CD300E: variants seen among roughly 807,000 people sequenced by gnomAD.
CD300E encodes CD300e molecule, also known as CMRF35-like molecule 2.
Under a neutral mutation model 20.9 loss-of-function variants are expected in CD300E, and 14 were observed. That is an observed-to-expected ratio of 0.67 (90% CI 0.44 to 1.05). CD300E has a LOEUF of 1.05. Among genes scored for constraint, CD300E ranks in the 50% least tolerant of loss-of-function variants. The pLI, the probability that CD300E is intolerant of heterozygous loss-of-function variation, is 0.00. For missense variants in CD300E, 237 were observed against 253.9 expected, an observed-to-expected ratio of 0.93 and a Z score of 0.45; for synonymous variants, 102 against 103.7, an observed-to-expected ratio of 0.98 and a Z score of 0.10.
At position 74,612,758 on chromosome 17, in the gene CD300E, G is replaced by T. The variant is rs1487167116; in HGVS notation, c.513C>A (p.Ser171Arg). 3 of 1,613,904 alleles carry T rather than the reference G, an allele frequency of 1.9e-6. No homozygotes were observed. In the Middle Eastern group the frequency reaches 4.9e-4, roughly 266 times the overall value. ...GAAGGACCACGAGCAGGAAGTGAGG[G>T]CTGCTGAGCCGGAACCTGTGGTGGA... ...LTQNSGFRLS[S>R]PHFLLVVLLK... The change falls in exon 4 of 4, where the codon AGC becomes AGA. Residue 171 changes from serine (S) to arginine (R), a missense_variant. Ser to Arg is a moderately radical substitution (Grantham distance 110). Transcript: ENST00000392619.
At chr17:74,622,424 C>T (rs1205541421) in intron 1 of CD300E, among the ~76,000 whole-genome samples, 1 of 152,038 alleles carries the variant, frequency 6.6e-6, no homozygotes, top group African/African-American at 2.4e-5. Context: ...TGTCACCTAC[C>T]TGGTCTTCTT....
At chr17:74,616,849 C>T (rs7216055) in intron 2 of CD300E, among the ~76,000 whole-genome samples, 27,328 of 152,158 alleles carry the variant, frequency 0.18, 3,249 homozygotes, top group African/African-American at 0.34. Context: ...ACAGCTTTGG[C>T]TCAGCATGAA....
rs1460490595 is a variant in CD300E, at chr17:74,613,939, C to G, written c.483G>C (p.Leu161Phe). ...PGRNLSTGEV[L>F]TQNSGFRLSS... ...TGCGTGCTTACCCTGAATTTTGGGT[C>G]AACACCTCCCCGGTGCTGAGGTTTC... Residue 161 changes from leucine to phenylalanine, a missense_variant, in exon 3 of 4, where the codon TTG becomes TTC. Coordinates refer to ENST00000392619, the MANE Select transcript of CD300E (RefSeq NM_181449.3). The G allele has an allele frequency of 6.2e-7, 1 of 1,613,236 alleles. No individual in the cohort carries two copies. The highest frequency in any genetic ancestry group is 8.5e-7 in the Non-Finnish European group (1 of 1,179,656).
At position 74,612,257 on chromosome 17, in the gene CD300E, C is replaced by CTCTCTCTCTCTCTCTCTCTCTGTCTG. The variant is rs2030800231; in HGVS notation, c.*395_*396insCAGACAGAGAGAGAGAGAGAGAGAGA. Reference sequence around the variant, plus strand: ...TCTCTCTCTCTCTCTGTCTCTCTCTCTCTCTCTCTCTCTCTCTCTCTGAGA... The same window carrying CTCTCTCTCTCTCTCTCTCTCTGTCTG: ...TCTCTCTCTCTCTCTGTCTCTCTCTCTCTCTCTCTCTCTCTCTCTCTGTCTGTCTCTCTCTCTCTCTCTCTCTGAGA... On this transcript the variant is annotated 3_prime_UTR_variant, in exon 4 of 4. Coordinates refer to ENST00000392619, the MANE Select transcript of CD300E (RefSeq NM_181449.3). The CTCTCTCTCTCTCTCTCTCTCTGTCTG allele has an allele frequency of 6.5e-6, 1 of 153,396 alleles. No individual in the cohort carries two copies. Among genetic ancestry groups the CTCTCTCTCTCTCTCTCTCTCTGTCTG allele is most frequent in the South Asian group, 2.0e-4 (1 of 4,956 alleles). The allele number at this position is 153,396 out of a possible 1,614,324, so 9.5% of individuals were successfully genotyped here.
At position 74,617,496 on chromosome 17, in the gene CD300E, C is replaced by T. The variant is rs559666624; in HGVS notation, c.41-31G>A. Reference sequence around the variant, plus strand: ...AAACACAAGCCCGAGTCCCAAGTCTCCATCCAGATGGCCCCATCAGCAGCC... The same window carrying T: ...AAACACAAGCCCGAGTCCCAAGTCTTCATCCAGATGGCCCCATCAGCAGCC... On this transcript the variant is annotated intron_variant, in intron 1 of 3. Coordinates refer to ENST00000392619, the MANE Select transcript of CD300E (RefSeq NM_181449.3). 1.3e-4 allele frequency: 198 copies of T among 1,571,778 alleles called. 2 individuals are homozygous for T. The highest frequency in any genetic ancestry group is 6.9e-4 in the South Asian group (61 of 88,936).
chr17:74,623,705 A>G lies in CD300E; in HGVS notation c.-84T>C, dbSNP rs754723041. On this transcript the variant is annotated 5_prime_UTR_variant, in exon 1 of 4. Coordinates refer to ENST00000392619, the MANE Select transcript of CD300E (RefSeq NM_181449.3). Reference sequence around the variant, plus strand: ...ATATGTAACGGAGCCTGGGTCATCCACTTTCTACTTGTCCAAGTTTCCTTT... The same window carrying G: ...ATATGTAACGGAGCCTGGGTCATCCGCTTTCTACTTGTCCAAGTTTCCTTT... The G allele has an allele frequency of 7.1e-7, 1 of 1,408,592 alleles. No homozygotes were observed. The highest frequency in any genetic ancestry group is 1.0e-6 in the Non-Finnish European group (1 of 992,480). The allele number at this position is 1,408,592 out of a possible 1,614,324, so 87.3% of individuals were successfully genotyped here.
chr17:74,622,328 G>T (rs1220522372), intron 1 of CD300E, among the ~76,000 whole-genome samples: 1 of 151,988 alleles, frequency 6.6e-6, no homozygotes. Flanking sequence ...GCAAACATTG[G>T]TTGAGTGCAG....
At chr17:74,617,797 C>A (rs1555653397) in intron 1 of CD300E, among the ~76,000 whole-genome samples, 1 of 152,236 alleles carries the variant, frequency 6.6e-6, no homozygotes, top group Non-Finnish European at 1.5e-5. Flanking sequence ...TATACAAGAT[C>A]ACTTCCCTTT....
intron 2 of CD300E, among the ~76,000 whole-genome samples, chr17:74,614,510 C>T (rs186627833): frequency 0.017 from 2,439 of 143,560 alleles, 21 homozygotes; most frequent in Non-Finnish European, 0.027. Context: ...TGGAGTTTCA[C>T]TCTTGTTGCC....
At chr17:74,618,333 G>T (rs913960679) in intron 1 of CD300E, among the ~76,000 whole-genome samples, 4 of 152,214 alleles carry the variant, frequency 2.6e-5, no homozygotes, top group African/African-American at 9.7e-5. Flanking sequence ...GAGTGTATGT[G>T]CATGTGCACG....
In CD300E at chr17:74,610,062, T is replaced by C. The variant is rs2143344863; in HGVS notation, c.*2591A>G. 6.6e-6 allele frequency: 1 copy of C among 152,484 alleles called. No individual in the cohort carries two copies. Among genetic ancestry groups the C allele is most frequent in the Non-Finnish European group, 1.5e-5 (1 of 68,050 alleles). 9.4% of individuals were successfully genotyped at this position (152,484 alleles called of 1,614,324 possible). A position where few individuals can be genotyped will look rare whatever the true frequency, so the allele number is the denominator to read the frequency against. On this transcript the variant is annotated 3_prime_UTR_variant, in exon 4 of 4. Transcript: ENST00000392619. ...CTACTCTTTCTTAACTCTTCTCTTCTGGCTTCTGCTGTCATTGCTCTGTTG... is the reference window on the plus strand; with the variant it reads ...CTACTCTTTCTTAACTCTTCTCTTCCGGCTTCTGCTGTCATTGCTCTGTTG...
chr17:74,623,147 C>A (rs2031055704), intron 1 of CD300E, among the ~76,000 whole-genome samples: 1 of 152,224 alleles, frequency 6.6e-6, no homozygotes, highest in African/African-American at 2.4e-5. Context: ...CTCACACTTG[C>A]ACATAAGCTA....
chr17:74,612,617 G>A lies in CD300E; in HGVS notation c.*36C>T, dbSNP rs757209608. On this transcript the variant is annotated 3_prime_UTR_variant, in exon 4 of 4. Coordinates refer to ENST00000392619, the MANE Select transcript of CD300E (RefSeq NM_181449.3). ...GACTCCCTGCACGGGGCACTCCTGGGGATGGGGCTCTGCAGGGCTTCGGGT... is the reference window on the plus strand; with the variant it reads ...GACTCCCTGCACGGGGCACTCCTGGAGATGGGGCTCTGCAGGGCTTCGGGT... 8.8e-5 allele frequency: 142 copies of A among 1,609,764 alleles called. 2 individuals carry two copies. The highest frequency in any genetic ancestry group is 1.7e-5 in the Non-Finnish European group (20 of 1,178,952).
At chr17:74,617,934 A>T (rs2030942683) in intron 1 of CD300E, among the ~76,000 whole-genome samples, 1 of 152,208 alleles carries the variant, frequency 6.6e-6, no homozygotes. Flanking sequence ...CTCTGATCTT[A>T]ACCACTCTCC....
rs1220076479 is a variant in CD300E, at chr17:74,613,977, C to T, written c.445G>A (p.Val149Met). 1 of 1,614,020 alleles carries T rather than the reference C, an allele frequency of 6.2e-7. No homozygotes were observed. The highest frequency in any genetic ancestry group is 1.7e-5 in the Admixed American group (1 of 60,018). ...HPATPPIFLV[V>M]NPGRNLSTGE... Reference sequence around the variant, plus strand: ...GTGCTGAGGTTTCGCCCAGGGTTCACCACCAGGAAGATGGGAGGTGTGGCT... The same window carrying T: ...GTGCTGAGGTTTCGCCCAGGGTTCATCACCAGGAAGATGGGAGGTGTGGCT... The change falls in exon 3 of 4, where the codon GTG becomes ATG. Residue 149 changes from valine (V) to methionine (M), a missense_variant. By Grantham distance (21) the Val-to-Met change is conservative. Coordinates refer to ENST00000392619, the MANE Select transcript of CD300E (RefSeq NM_181449.3).
Position 74,613,856 on chromosome 17 carries a change from G to A in CD300E, c.497+69C>T, listed in dbSNP as rs79608793. The A allele has an allele frequency of 1.1e-3, 1,074 of 983,952 alleles. 16 individuals carry two copies. The East Asian group carries it at 0.025, about 23-fold the overall frequency. The allele number at this position is 983,952 out of a possible 1,614,324, so 61.0% of individuals were successfully genotyped here. On this transcript the variant is annotated intron_variant, in intron 3 of 3. Transcript: ENST00000392619. ...CAGTGACGATCTCAGGTCACGGTGC[G>A]CCACCCCCACCCCCCAGCTTCCACC... is the stretch of plus-strand genomic sequence containing the variant.
intron 1 of CD300E, among the ~76,000 whole-genome samples, chr17:74,619,904 C>T (rs977469536): frequency 6.6e-6 from 1 of 152,224 alleles, no homozygotes; most frequent in Non-Finnish European, 1.5e-5. Context: ...AACCCCAAAC[C>T]TAGCAAATCT....
chr17:74,618,620 T>A (rs1413260915), intron 1 of CD300E, among the ~76,000 whole-genome samples: 1 of 152,068 alleles, frequency 6.6e-6, no homozygotes, highest in Non-Finnish European at 1.5e-5. Context: ...CCTCCCCTCC[T>A]CCCACCATCT....
chr17:74,619,153 C>A (rs1417307966), intron 1 of CD300E: 1 of 471,164 alleles, frequency 2.1e-6, no homozygotes. Context: ...CCCAGCAGCA[C>A]CTCCTTCTAG....
Sources: gnomAD v4.1 joint callset for allele counts (sites outside exome capture counted in the v4.1 genomes callset) on GRCh38, gnomAD v4.1.1 for gene constraint, MANE v1.5 for transcripts, NCBI Gene and HGNC (gene_info 2026-07-23, HGNC 2026-07-21) for gene names.